The following LYST variants were observed in gnomAD, a reference collection of about 807,000 sequenced individuals.
LYST encodes lysosomal trafficking regulator.
In LYST, 192 loss-of-function variants were observed where a neutral mutation model predicts 413.6. The observed-to-expected ratio is 0.46, with a 90% CI of 0.41 to 0.52. The LOEUF (loss-of-function observed/expected upper bound fraction) is 0.52. Ranked by LOEUF, LYST falls within the 20% of genes least tolerant of loss-of-function variation. The pLI is 0.00. For synonymous variants in LYST, 1,525 were observed against 1,567.3 expected (o/e 0.97, Z 0.64); for missense variants, 3,815 against 4,499.9 (o/e 0.85, Z 4.35).
chr1:235,833,577 C>T lies in LYST; in HGVS notation c.-8+1G>A. ...TAATATTTATTACATTATATACTTA[C>T]CAGTCTTTCACCACTGCTGTGACAT... On this transcript the variant is annotated splice_donor_variant, in intron 2 of 52. Transcript: ENST00000389793. LOFTEE classifies it low-confidence loss of function (5UTR_SPLICE). The T allele has an allele frequency of 1.3e-6, 1 of 762,500 alleles. No individual in the cohort carries two copies. Among genetic ancestry groups the T allele is most frequent in the Non-Finnish European group, 1.6e-6 (1 of 626,374 alleles). 47.2% of individuals were successfully genotyped at this position (762,500 alleles called of 1,614,324 possible).
intron 8 of LYST, 32 bp from the exon 9 acceptor site, chr1:235,801,129 T>G: frequency 7.9e-7 from 1 of 1,269,696 alleles, no homozygotes. Flanking sequence ...ATTACTTGTA[T>G]TCCCTAAACA....
rs564232946 is a variant in LYST, at chr1:235,752,739, C to T, written c.7460+305G>A. Reference sequence around the variant, plus strand: ...TTCAATCTTAATCTTGATAATCTACCTCAATGTACGATATTAGGCCTACAA... The same window carrying T: ...TTCAATCTTAATCTTGATAATCTACTTCAATGTACGATATTAGGCCTACAA... On this transcript the variant is annotated intron_variant, in intron 26 of 52. Coordinates refer to ENST00000389793, the MANE Select transcript of LYST (RefSeq NM_000081.4). Among the ~76,000 whole-genome samples the T allele has an allele frequency of 3.2e-4, 49 of 152,060 alleles. No homozygotes were observed. The East Asian group carries it at 7.5e-3, about 23-fold the overall frequency.
chr1:235,853,916 T>C (rs2103115489), intron 1 of LYST, among the ~76,000 whole-genome samples: 1 of 152,230 alleles, frequency 6.6e-6, no homozygotes, highest in South Asian at 2.1e-4. Flanking sequence ...AGAACCTGTG[T>C]TTGGCCCTGA....
upstream of LYST, among the ~76,000 whole-genome samples, chr1:235,871,723 C>T (rs1572508891): frequency 6.6e-6 from 1 of 152,298 alleles, no homozygotes; most frequent in Non-Finnish European, 1.5e-5. Flanking sequence ...ATTGAGTAGT[C>T]TCTAATAAAC....
At chr1:235,824,570 G>A (rs909269115) in intron 3 of LYST, among the ~76,000 whole-genome samples, 2 of 152,072 alleles carry the variant, frequency 1.3e-5, no homozygotes, top group Non-Finnish European at 2.9e-5. Context: ...GGCTGGGCAT[G>A]GTGGTATGGT....
intron 29 of LYST, among the ~76,000 whole-genome samples, chr1:235,745,530 A>T (rs1460533370): frequency 6.6e-6 from 1 of 152,214 alleles, no homozygotes; most frequent in African/African-American, 2.4e-5. Context: ...AAAAAACTAC[A>T]CATGTAATTA....
At chr1:235,781,451 T>C (rs1669864393) in intron 15 of LYST, among the ~76,000 whole-genome samples, 1 of 152,136 alleles carries the variant, frequency 6.6e-6, no homozygotes, top group African/African-American at 2.4e-5. Context: ...CAATAAACAC[T>C]GTCTGAATGC....
chr1:235,709,192 C>T lies in LYST; in HGVS notation c.10042G>A (p.Asp3348Asn), dbSNP rs1662212523. 6.2e-7 allele frequency: 1 copy of T among 1,614,014 alleles called. No homozygotes were observed. The highest frequency in any genetic ancestry group is 8.5e-7 in the Non-Finnish European group (1 of 1,180,014). ...ILIHRQALES[D>N]YVSQNICQWI... ...TGACAGATGTTCTGCGACACGTAGT[C>T]AGACTCTAGAGCCTGCCGATGGATG... Residue 3348 changes from aspartate (D) to asparagine (N), a missense_variant, in exon 44 of 53, where the codon GAC becomes AAC. Asp to Asn is a conservative substitution (Grantham distance 23). Around this residue, in one of 4 missense-constraint regions of LYST, gnomAD observed 866 missense variants for 1,156.0 expected, o/e 0.75. Transcript: ENST00000389793.
At chr1:235,879,213 C>A (rs1681266102) in intron 1 of LYST, among the ~76,000 whole-genome samples, 1 of 152,186 alleles carries the variant, frequency 6.6e-6, no homozygotes, top group African/African-American at 2.4e-5. Flanking sequence ...AGTATCCTAC[C>A]CACTTGTGGC....
intron 47 of LYST, among the ~76,000 whole-genome samples, chr1:235,687,605 G>C (rs1185993461): frequency 6.6e-6 from 1 of 152,122 alleles, no homozygotes; most frequent in Non-Finnish European, 1.5e-5. Flanking sequence ...GCACCACTCA[G>C]GTTTGAGTCA....
At chr1:235,698,742 G>A (rs1169197156) in intron 45 of LYST, among the ~76,000 whole-genome samples, 3 of 151,996 alleles carry the variant, frequency 2.0e-5, no homozygotes, top group East Asian at 1.9e-4. Flanking sequence ...GCGTGGTGGC[G>A]GGTGCCTGCA....
At chr1:235,675,244 A>C (rs991144466) in intron 50 of LYST, among the ~76,000 whole-genome samples, 4 of 152,092 alleles carry the variant, frequency 2.6e-5, no homozygotes, top group Non-Finnish European at 5.9e-5. Flanking sequence ...ACATGCCCAG[A>C]CTTGTTCTAT....
chr1:235,881,689 C>G (rs748128435), intron 1 of LYST, among the ~76,000 whole-genome samples: 2 of 152,040 alleles, frequency 1.3e-5, no homozygotes, highest in Admixed American at 6.5e-5. Flanking sequence ...ATTATTCAAC[C>G]TTAAAAAGAA....
intron 3 of LYST, among the ~76,000 whole-genome samples, chr1:235,828,421 GAT>G (rs1265354460): frequency 2.0e-5 from 3 of 152,170 alleles, no homozygotes; most frequent in African/African-American, 7.2e-5. Context: ...TGAATTTTAA[GAT>G]ATGTGAATTA....
In LYST at chr1:235,809,560, C is replaced by T; in HGVS notation, c.1258G>A (p.Ala420Thr). The part of the protein sequence containing the change: ...QILICCLQSA[A>T]SNPFYFSQAM... Reference sequence around the variant, plus strand: ...TGACTGAAGTAGAAGGGATTTGAAGCTGCACTTTGAAGACAACAGATCAGA... The same window carrying T: ...TGACTGAAGTAGAAGGGATTTGAAGTTGCACTTTGAAGACAACAGATCAGA... Residue 420 changes from alanine (A) to threonine (T), a missense_variant, in exon 5 of 53, where the codon GCT (alanine) becomes ACT (threonine). Physicochemically the swap from Ala to Thr is moderately conservative, Grantham distance 58 (BLOSUM62 0). Transcript: ENST00000389793. The surrounding 1 kb of genome is among the most constrained non-coding windows in gnomAD (Gnocchi z 4.0). The T allele has an allele frequency of 6.2e-7, 1 of 1,614,022 alleles. No homozygotes were observed. Among genetic ancestry groups the T allele is most frequent in the African/African-American group, 1.3e-5 (1 of 75,012 alleles).
chr1:235,810,606 T>A (rs1320802695), intron 4 of LYST, 72 bp from the exon 5 acceptor site: 6 of 1,324,796 alleles, frequency 4.5e-6, no homozygotes, highest in Non-Finnish European at 6.4e-6. Context: ...GTGACAGCCC[T>A]CTTATTTATC....
chr1:235,771,482 G>A (rs942088070), intron 19 of LYST, among the ~76,000 whole-genome samples: 1 of 152,176 alleles, frequency 6.6e-6, no homozygotes, highest in Non-Finnish European at 1.5e-5. Flanking sequence ...ACCTGCAACT[G>A]AGCATATTCT....
At chr1:235,787,475 A>C (rs1670544155) in intron 13 of LYST, 102 bp from the exon 14 acceptor site, 1 of 1,001,310 alleles carries the variant, frequency 1.0e-6, no homozygotes, top group Admixed American at 1.8e-5. Flanking sequence ...TAAGATTAAA[A>C]ATCAGTTCTA....
chr1:235,862,372 T>C (rs1194160355), intron 1 of LYST, among the ~76,000 whole-genome samples: 1 of 152,208 alleles, frequency 6.6e-6, no homozygotes, highest in African/African-American at 2.4e-5. Context: ...AATGGAAAAT[T>C]CCAGAAATAA....
Sources: allele counts gnomAD v4.1 joint callset (sites outside exome capture counted in the v4.1 genomes callset), GRCh38; gene constraint gnomAD v4.1.1; regional missense constraint gnomAD v4.1.1; non-coding constraint Gnocchi (gnomAD v3.1); transcripts MANE v1.5; gene names NCBI Gene and HGNC (gene_info 2026-07-23, HGNC 2026-07-21).